Variants in OPCML observed in about 807,000 individuals in gnomAD.
The protein encoded by OPCML is opioid binding protein/cell adhesion molecule like.
In OPCML, 13 loss-of-function variants were observed where a neutral mutation model predicts 37.8. That is an observed-to-expected ratio of 0.34 (90% CI 0.22 to 0.55). The LOEUF (loss-of-function observed/expected upper bound fraction) is 0.55. Ranked by LOEUF, OPCML falls within the 20% of genes least tolerant of loss-of-function variation. The pLI, the probability that OPCML is intolerant of heterozygous loss-of-function variation, is 0.91. For missense variants in OPCML, 341 were observed against 435.6 expected, an observed-to-expected ratio of 0.78 and a Z score of 1.93; for synonymous variants, 176 against 168.8, an observed-to-expected ratio of 1.04 and a Z score of -0.33.
chr11:133,052,085 T>A (rs1197328098), intron 1 of OPCML, among the ~76,000 whole-genome samples: 1 of 152,220 alleles, frequency 6.6e-6, no homozygotes, highest in Non-Finnish European at 1.5e-5. Context: ...GAAGATTTTA[T>A]ACTAAGGCAG....
intron 2 of OPCML, among the ~76,000 whole-genome samples, chr11:132,712,036 A>G (rs1212096804): frequency 6.6e-6 from 1 of 152,178 alleles, no homozygotes. Context: ...ATTGTTTGTA[A>G]AGTGTCTACC....
At chr11:132,459,966 GT>G (rs1033109772) in intron 4 of OPCML, among the ~76,000 whole-genome samples, 20 of 152,200 alleles carry the variant, frequency 1.3e-4, no homozygotes, top group African/African-American at 4.6e-4. Flanking sequence ...AGATACTCAA[GT>G]GTGAATAATG....
chr11:133,084,235 T>C (rs1429868223), intron 1 of OPCML, among the ~76,000 whole-genome samples: 2 of 151,932 alleles, frequency 1.3e-5, no homozygotes, highest in East Asian at 3.9e-4. Flanking sequence ...CCAGCATTCA[T>C]ACCTTGGCAG....
chr11:132,440,507 C>T (rs1405888858), intron 4 of OPCML, among the ~76,000 whole-genome samples: 4 of 152,078 alleles, frequency 2.6e-5, no homozygotes, highest in African/African-American at 9.7e-5. Flanking sequence ...CTCTCCCACC[C>T]ACACACGTGA....
intron 3 of OPCML, among the ~76,000 whole-genome samples, chr11:132,559,577 C>G (rs1252083804): frequency 6.6e-6 from 1 of 151,906 alleles, no homozygotes; most frequent in Non-Finnish European, 1.5e-5. Context: ...TTTTTCCACT[C>G]CAAACACATC....
At chr11:133,200,297 C>T (rs2136318045) in intron 1 of OPCML, among the ~76,000 whole-genome samples, 1 of 151,886 alleles carries the variant, frequency 6.6e-6, no homozygotes, top group East Asian at 1.9e-4. Flanking sequence ...ATGCACCTGT[C>T]TCCCTTAGTA....
At chr11:133,172,661 C>T (rs919080338) in intron 1 of OPCML, among the ~76,000 whole-genome samples, 3 of 152,118 alleles carry the variant, frequency 2.0e-5, no homozygotes, top group African/African-American at 7.2e-5. Flanking sequence ...CGACAAGCAG[C>T]AGGAGGAGCA....
chr11:132,899,475 T>C (rs1265170970), intron 2 of OPCML, among the ~76,000 whole-genome samples: 2 of 152,136 alleles, frequency 1.3e-5, no homozygotes, highest in South Asian at 4.2e-4. Context: ...AGGGAAGAGA[T>C]TAGTGCATTT....
At chr11:133,027,441 A>T (rs1420679604) in intron 1 of OPCML, among the ~76,000 whole-genome samples, 1 of 151,662 alleles carries the variant, frequency 6.6e-6, no homozygotes, top group Non-Finnish European at 1.5e-5. Flanking sequence ...TCACTTAACT[A>T]GTGTGTGTAT....
chr11:133,096,597 G>T (rs1949007458), intron 1 of OPCML, among the ~76,000 whole-genome samples: 1 of 151,618 alleles, frequency 6.6e-6, no homozygotes, highest in Non-Finnish European at 1.5e-5. Flanking sequence ...TTTCAGAGTG[G>T]GTCAAAAACA....
intron 4 of OPCML, among the ~76,000 whole-genome samples, chr11:132,496,363 C>T (rs2096231226): frequency 6.6e-6 from 1 of 152,208 alleles, no homozygotes; most frequent in African/African-American, 2.4e-5. Context: ...GTTTTATTTA[C>T]AGTCATATCT....
intron 2 of OPCML, among the ~76,000 whole-genome samples, chr11:132,941,836 A>C (rs1945587937): frequency 6.6e-6 from 1 of 152,218 alleles, no homozygotes. Flanking sequence ...TCCCAGAGAC[A>C]GGTCTTTCCT....
At chr11:132,821,759 C>A (rs1373321408) in intron 2 of OPCML, among the ~76,000 whole-genome samples, 1 of 152,156 alleles carries the variant, frequency 6.6e-6, no homozygotes, top group Non-Finnish European at 1.5e-5. Context: ...CATCTTCCAG[C>A]CTTCTTCCTT....
chr11:133,378,634 T>G (rs1440338540), intron 1 of OPCML, among the ~76,000 whole-genome samples: 1 of 152,190 alleles, frequency 6.6e-6, no homozygotes, highest in East Asian at 1.9e-4. Flanking sequence ...CTTCCCAGAT[T>G]TTTGCTGCAT....
intron 1 of OPCML, among the ~76,000 whole-genome samples, chr11:133,407,657 G>A (rs1481179311): frequency 6.6e-6 from 1 of 152,220 alleles, no homozygotes; most frequent in Non-Finnish European, 1.5e-5. Flanking sequence ...GTTTCTGGAA[G>A]TCTCCTGCTT....
At position 133,400,133 on chromosome 11, in the gene OPCML, C is replaced by T. The variant is rs573749360; in HGVS notation, c.61+132131G>A. On this transcript the variant is annotated intron_variant, in intron 1 of 7. Transcript: ENST00000524381. The stretch of plus-strand genomic sequence containing the variant: ...CTGCCCATTACTGCTTCAGCTTTTC[C>T]GACCCAGAAGTTCCAAATGCCCAGC... Among the ~76,000 whole-genome samples, 8 of 152,202 alleles carry T rather than the reference C, an allele frequency of 5.3e-5. No individual in the cohort carries two copies. In the East Asian group the frequency reaches 7.7e-4, roughly 15 times the overall value.
intron 1 of OPCML, among the ~76,000 whole-genome samples, chr11:133,265,210 T>C (rs763657730): frequency 3.9e-5 from 6 of 152,186 alleles, no homozygotes; most frequent in Non-Finnish European, 8.8e-5. Flanking sequence ...AAACCACTCA[T>C]ACTTGGACTA....
At chr11:133,367,473 C>A (rs1944571307) in intron 1 of OPCML, among the ~76,000 whole-genome samples, 1 of 152,192 alleles carries the variant, frequency 6.6e-6, no homozygotes, top group Non-Finnish European at 1.5e-5. Context: ...GTACTTTTGG[C>A]TCTTTGAAGA....
intron 1 of OPCML, among the ~76,000 whole-genome samples, chr11:133,460,313 T>G (rs1301004912): frequency 6.6e-6 from 1 of 151,538 alleles, no homozygotes; most frequent in Non-Finnish European, 1.5e-5. Context: ...TTTTGGAAAC[T>G]AAGGAAAAAA....
Sources: allele counts gnomAD v4.1 joint callset (sites outside exome capture counted in the v4.1 genomes callset), GRCh38; gene constraint gnomAD v4.1.1; transcripts MANE v1.5; gene names NCBI Gene and HGNC (gene_info 2026-07-23, HGNC 2026-07-21).